Variants in HKDC1 observed in about 807,000 individuals in gnomAD.
HKDC1 encodes hexokinase domain containing 1.
Under a neutral mutation model 96.6 loss-of-function variants are expected in HKDC1, and 66 were observed. That is an observed-to-expected ratio of 0.68 (90% CI 0.56 to 0.84). The LOEUF (loss-of-function observed/expected upper bound fraction) is 0.84. HKDC1 is among the 40% of genes least tolerant of loss of function. The pLI is 0.00. For synonymous variants in HKDC1, 466 were observed against 473.1 expected (o/e 0.98, Z 0.20); for missense variants, 1,211 against 1,208.1 (o/e 1.00, Z -0.04).
chr10:69,266,264 C>G (rs148195818), intron 17 of HKDC1, among the ~76,000 whole-genome samples: 96 of 152,206 alleles, frequency 6.3e-4, no homozygotes, highest in African/African-American at 2.3e-3. Flanking sequence ...CAGGGAGACT[C>G]CATTTCCACA....
At chr10:69,220,532 G>C in intron 1 of HKDC1, 34 bp downstream of exon 1, 1 of 1,470,826 alleles carries the variant, frequency 6.8e-7, no homozygotes, top group Non-Finnish European at 9.2e-7. Flanking sequence ...GAGATGCCCA[G>C]CTCCTTCTTC....
intron 14 of HKDC1, among the ~76,000 whole-genome samples, chr10:69,258,491 A>C (rs1488013522): frequency 1.3e-5 from 2 of 152,128 alleles, no homozygotes; most frequent in African/African-American, 4.8e-5. Context: ...ATGATGATGA[A>C]GTCAGCAGGT....
At chr10:69,257,156 G>T (rs373832556) in intron 13 of HKDC1, 25 bp downstream of exon 13, 35 of 1,592,192 alleles carry the variant, frequency 2.2e-5, no homozygotes, top group Non-Finnish European at 2.8e-5. Context: ...TGAGGCTCAT[G>T]CCTGCTCTTG....
At chr10:69,239,277 A>G (rs959541961) in intron 5 of HKDC1, 140 bp downstream of exon 5, 17 of 608,050 alleles carry the variant, frequency 2.8e-5, no homozygotes, top group African/African-American at 2.4e-4. Context: ...GATCTTAGAA[A>G]AGGTCCCACT....
chr10:69,223,464 GTCT>G lies in HKDC1; in HGVS notation c.63+2971_63+2973del, dbSNP rs771073777. Among the ~76,000 whole-genome samples the G allele has an allele frequency of 7.9e-5, 12 of 151,168 alleles. 1 individual carries two copies. Among genetic ancestry groups the G allele is most frequent in the Admixed American group, 2.0e-4 (3 of 15,192 alleles). Reference sequence around the variant, plus strand: ...TTATCATCATAATTATCATTACAATGTCTTCTTAATATCCAATCAAGTGGATAT... The same window carrying G: ...TTATCATCATAATTATCATTACAATGTCTTAATATCCAATCAAGTGGATAT... On this transcript the variant is annotated intron_variant, in intron 1 of 17. Transcript: ENST00000354624.
intron 2 of HKDC1, among the ~76,000 whole-genome samples, chr10:69,230,142 G>A (rs1302922438): frequency 6.6e-6 from 1 of 152,218 alleles, no homozygotes; most frequent in African/African-American, 2.4e-5. Flanking sequence ...TGGTCAGGGG[G>A]CTGCAGTGGT....
intron 1 of HKDC1, among the ~76,000 whole-genome samples, chr10:69,224,692 T>C (rs1408440665): frequency 2.6e-5 from 4 of 152,256 alleles, no homozygotes; most frequent in Admixed American, 2.0e-4. Context: ...TCATTCCTAA[T>C]GTGAGACCTT....
At chr10:69,257,690 G>GT (rs1475774667) in intron 14 of HKDC1, among the ~76,000 whole-genome samples, 1 of 152,054 alleles carries the variant, frequency 6.6e-6, no homozygotes, top group African/African-American at 2.4e-5. Flanking sequence ...TGTCATGGGG[G>GT]GGGGAAGGAG....
chr10:69,248,331 G>T, intron 9 of HKDC1, 93 bp from the exon 10 acceptor site: 2 of 1,321,292 alleles, frequency 1.5e-6, no homozygotes, highest in Non-Finnish European at 1.0e-6. Flanking sequence ...GCCCCGCAGG[G>T]CCCTCCGGGA....
At chr10:69,262,387 A>C (rs562590750) in intron 16 of HKDC1, among the ~76,000 whole-genome samples, 1 of 152,320 alleles carries the variant, frequency 6.6e-6, no homozygotes, top group South Asian at 2.1e-4. Context: ...CATTTGGTTA[A>C]AAGAGTATTT....
At chr10:69,263,428 T>TA (rs141617497) in intron 16 of HKDC1, among the ~76,000 whole-genome samples, 8,489 of 150,282 alleles carry the variant, frequency 0.056, 334 homozygotes, top group South Asian at 0.13. Context: ...CTTCATGGAA[T>TA]AAAAAAAAAA....
At chr10:69,250,708 G>A (rs1015199425) in intron 12 of HKDC1, 56 bp downstream of exon 12, 4 of 1,598,604 alleles carry the variant, frequency 2.5e-6, no homozygotes, top group African/African-American at 1.3e-5. Context: ...TCCTCTTCTG[G>A]GACCATCTCC....
chr10:69,254,815 G>T (rs1315019834), intron 12 of HKDC1, among the ~76,000 whole-genome samples: 2 of 152,106 alleles, frequency 1.3e-5, no homozygotes, highest in Non-Finnish European at 2.9e-5. Context: ...AAAAATATGT[G>T]TAATTTCACC....
chr10:69,266,054 G>T (rs980616382), intron 17 of HKDC1, among the ~76,000 whole-genome samples: 1 of 152,178 alleles, frequency 6.6e-6, no homozygotes, highest in East Asian at 1.9e-4. Context: ...TAAACCCCAG[G>T]TTCCTCATCC....
intron 14 of HKDC1, among the ~76,000 whole-genome samples, chr10:69,257,944 T>C (rs1229267879): frequency 6.6e-6 from 1 of 152,042 alleles, no homozygotes; most frequent in Admixed American, 6.5e-5. Flanking sequence ...ATGTTCTCTC[T>C]AAGAGGGGTA....
At chr10:69,223,578 A>ATTTTTTTTTTTTTTT (rs60016100) in intron 1 of HKDC1, among the ~76,000 whole-genome samples, 1 of 85,580 alleles carries the variant, frequency 1.2e-5, no homozygotes, top group Non-Finnish European at 2.2e-5. Context: ...CCACAATCTA[A>ATTTTTTTTTTTTTTT]TTTTTTTTTT....
intron 2 of HKDC1, among the ~76,000 whole-genome samples, chr10:69,230,588 A>G (rs934385855): frequency 4.6e-5 from 7 of 152,152 alleles, no homozygotes; most frequent in African/African-American, 2.4e-5. Flanking sequence ...GGCCAAAGCA[A>G]TTTACCCCGC....
chr10:69,227,241 A>G lies in HKDC1; in HGVS notation c.98A>G (p.Asp33Gly). The stretch of plus-strand genomic sequence containing the variant: ...TTCCTGTATCACATGCGGCTCTCCG[A>G]TGACACCCTTTTGGACATCATGAGG... The part of the protein sequence containing the change: ...DRFLYHMRLS[D>G]DTLLDIMRRF... The change falls in exon 2 of 18, where the codon GAT becomes GGT. Residue 33 changes from aspartate to glycine, a missense_variant. By Grantham distance (94) the Asp-to-Gly change is moderately conservative. Coordinates refer to ENST00000354624, the MANE Select transcript of HKDC1 (RefSeq NM_025130.4). The G allele has an allele frequency of 2.5e-6, 4 of 1,614,124 alleles. No individual in the cohort carries two copies. Among genetic ancestry groups the G allele is most frequent in the Non-Finnish European group, 3.4e-6 (4 of 1,180,034 alleles).
Position 69,258,864 on chromosome 10 carries a change from G to C in HKDC1, c.2121G>C (p.Glu707Asp). ...GGEGKMCINT[E>D]WGGFGDNGCI... ...AAGGGAAGATGTGCATCAATACAGA[G>C]TGGGGAGGATTTGGAGACAATGGCT... is the stretch of plus-strand genomic sequence containing the variant. The change falls in exon 15 of 18, where the codon GAG becomes GAC. Residue 707 changes from glutamate (E) to aspartate (D), a missense_variant. Transcript: ENST00000354624. The C allele has an allele frequency of 6.2e-7, 1 of 1,613,626 alleles. No homozygotes were observed. Among genetic ancestry groups the C allele is most frequent in the Non-Finnish European group, 8.5e-7 (1 of 1,179,856 alleles).
Sources: gnomAD v4.1 joint callset for allele counts (sites outside exome capture counted in the v4.1 genomes callset) on GRCh38, gnomAD v4.1.1 for gene constraint, MANE v1.5 for transcripts, NCBI Gene and HGNC (gene_info 2026-07-23, HGNC 2026-07-21) for gene names.